Variants in EXOSC2 observed in about 807,000 individuals in gnomAD.
EXOSC2 encodes exosome complex component RRP4.
In EXOSC2, 29 loss-of-function variants were observed where a neutral mutation model predicts 37.6. The ratio of observed to expected loss-of-function variants is 0.77; its 90% CI spans 0.57 to 1.05. EXOSC2 has a LOEUF of 1.05. Ranked by LOEUF, EXOSC2 falls within the 50% of genes least tolerant of loss-of-function variation. The probability of loss-of-function intolerance (pLI) is 0.00; values close to 1 mark genes in which losing one functional copy is unlikely to be tolerated. For synonymous variants in EXOSC2, 119 were observed against 131.1 expected (o/e 0.91, Z 0.63); for missense variants, 346 against 365.6 (o/e 0.95, Z 0.44).
intron 5 of EXOSC2, among the ~76,000 whole-genome samples, chr9:130,700,332 T>A (rs1012305028): frequency 1.7e-5 from 2 of 116,490 alleles, no homozygotes; most frequent in South Asian, 2.5e-4. Flanking sequence ...GTCTTTATTT[T>A]ATTTATTTAT....
At chr9:130,700,619 A>G (rs991421028) in intron 5 of EXOSC2, among the ~76,000 whole-genome samples, 5 of 152,058 alleles carry the variant, frequency 3.3e-5, no homozygotes, top group Non-Finnish European at 7.4e-5. Context: ...TCAGCCTCCC[A>G]AAGTGCTGGG....
At chr9:130,703,025 C>A in intron 7 of EXOSC2, 28 bp from the exon 8 acceptor site, 1 of 1,596,336 alleles carries the variant, frequency 6.3e-7, no homozygotes, top group Non-Finnish European at 8.6e-7. Context: ...GTTTGTATTT[C>A]CCTTCCCCTC....
At chr9:130,699,262 AAAG>A (rs1831160513) in intron 4 of EXOSC2, 64 bp from the exon 5 acceptor site, 45 of 1,508,560 alleles carry the variant, frequency 3.0e-5, no homozygotes, top group Non-Finnish European at 4.2e-5. Context: ...AAAGGAAGTG[AAAG>A]AGAAGTGATG....
In EXOSC2 at chr9:130,697,475, C is replaced by T. The variant is rs142488951; in HGVS notation, c.225-107C>T. 7.4e-4 allele frequency: 784 copies of T among 1,062,814 alleles called. 3 individuals are homozygous for T. The East Asian group carries it at 0.017, about 23-fold the overall frequency. The allele number at this position is 1,062,814 out of a possible 1,614,324, so 65.8% of individuals were successfully genotyped here. A position where few individuals can be genotyped will look rare whatever the true frequency, so the allele number is the denominator to read the frequency against. On this transcript the variant is annotated intron_variant, in intron 2 of 8. Transcript: ENST00000372358. ...AGTTACATGAATTTGCTGAATGTGG[C>T]GCCTGTTCCAGGCTTTCACCCTGTT... is the stretch of plus-strand genomic sequence containing the variant.
chr9:130,695,406 C>A, intron 1 of EXOSC2, 86 bp from the exon 2 acceptor site: 1 of 1,185,120 alleles, frequency 8.4e-7, no homozygotes, highest in Non-Finnish European at 1.3e-6. Flanking sequence ...AGCCTGTTAG[C>A]TTTGAGGAAC....
At chr9:130,695,714 GT>G (rs1230308026) in intron 2 of EXOSC2, 121 bp downstream of exon 2, 12 of 812,340 alleles carry the variant, frequency 1.5e-5, no homozygotes, top group Non-Finnish European at 2.4e-5. Context: ...TAAGTCTGAG[GT>G]TTTGACCATG....
At position 130,700,208 on chromosome 9, in the gene EXOSC2, C is replaced by T. The variant is rs1359671346; in HGVS notation, c.427-659C>T. Among the ~76,000 whole-genome samples the T allele has an allele frequency of 9.2e-5, 14 of 151,842 alleles. 1 individual carries two copies. The highest frequency in any genetic ancestry group is 3.4e-4 in the African/African-American group (14 of 41,428). ...CTAATTTTTGTATTTTTAGTAGAGA[C>T]AGGTTTCACCATATTGGCCAGGCTG... On this transcript the variant is annotated intron_variant, in intron 5 of 8. Coordinates refer to ENST00000372358, the MANE Select transcript of EXOSC2 (RefSeq NM_014285.7).
chr9:130,700,192 G>A (rs1831182595), intron 5 of EXOSC2, among the ~76,000 whole-genome samples: 1 of 151,674 alleles, frequency 6.6e-6, no homozygotes, highest in South Asian at 2.1e-4. Context: ...GCTAATTTTT[G>A]TATTTTTAGT....
At chr9:130,693,963 T>G (rs1450912525) in intron 1 of EXOSC2, 50 bp downstream of exon 1, 5 of 1,551,302 alleles carry the variant, frequency 3.2e-6, no homozygotes, top group Non-Finnish European at 4.4e-6. Flanking sequence ...GCTTCAGGGC[T>G]CTCTGCACGT....
In EXOSC2 at chr9:130,698,304, C is replaced by G. The variant is rs138129140; in HGVS notation, c.360+53C>G. The G allele has an allele frequency of 6.5e-7, 1 of 1,529,764 alleles. No individual in the cohort carries two copies. Among genetic ancestry groups the G allele is most frequent in the East Asian group, 2.3e-5 (1 of 44,418 alleles). The allele number at this position is 1,529,764 out of a possible 1,614,324, so 94.8% of individuals were successfully genotyped here. The stretch of plus-strand genomic sequence containing the variant: ...TAGGGCCCAGTGGGCTGGGGGGAGC[C>G]GTGGGACCCTTTGTTCCACCAGAGG... On this transcript the variant is annotated intron_variant, in intron 4 of 8. Coordinates refer to ENST00000372358, the MANE Select transcript of EXOSC2 (RefSeq NM_014285.7). This position sits in a 1 kb window ranked among gnomAD's most constrained non-coding sequence, Gnocchi z 4.1.
At chr9:130,695,817 G>A (rs17147185) in intron 2 of EXOSC2, among the ~76,000 whole-genome samples, 7,124 of 149,790 alleles carry the variant, frequency 0.048, 212 homozygotes, top group Non-Finnish European at 0.071. Flanking sequence ...CCTCTGCAAA[G>A]TGAGTATAAT....
At position 130,703,318 on chromosome 9, in the gene EXOSC2, T is replaced by C. The variant is rs992883603; in HGVS notation, c.801+137T>C. On this transcript the variant is annotated intron_variant, in intron 8 of 8. Coordinates refer to ENST00000372358, the MANE Select transcript of EXOSC2 (RefSeq NM_014285.7). ...ACTGGCCTGAAACAGCCTTAATGAG[T>C]GTCTGGTAGATCTTTCCCTAAGAAA... 128 of 972,544 alleles carry C rather than the reference T, an allele frequency of 1.3e-4. No homozygotes were observed. In the Admixed American group the frequency reaches 1.3e-3, roughly 10 times the overall value. 60.2% of individuals were successfully genotyped at this position (972,544 alleles called of 1,614,324 possible).
chr9:130,701,311 C>A (rs932603536), intron 6 of EXOSC2: 130 of 192,836 alleles, frequency 6.7e-4, no homozygotes, highest in African/African-American at 2.9e-3. Context: ...TTAAACAGCC[C>A]TTAGACAAAC....
intron 5 of EXOSC2, among the ~76,000 whole-genome samples, chr9:130,700,323 T>A (rs1426502655): frequency 6.8e-6 from 1 of 147,506 alleles, no homozygotes; most frequent in East Asian, 2.0e-4. Context: ...CTGGCCTCTG[T>A]CTTTATTTTA....
In EXOSC2 at chr9:130,696,997, G is replaced by C. The variant is rs145448416; in HGVS notation, c.225-585G>C. On this transcript the variant is annotated intron_variant, in intron 2 of 8. Transcript: ENST00000372358. ...GTCATCTAGATGGCAGAGTTGGGTA[G>C]CTAGCAGTTGAGTAGGATTTGGAAT... Among the ~76,000 whole-genome samples, 318 of 152,304 alleles carry C rather than the reference G, an allele frequency of 2.1e-3. 1 individual carries two copies. The highest frequency in any genetic ancestry group is 7.1e-3 in the African/African-American group (295 of 41,554).
At position 130,698,732 on chromosome 9, in the gene EXOSC2, G is replaced by A. The variant is rs773684388; in HGVS notation, c.360+481G>A. ...GGTTCACCTTGATCTTCAGTCCAGC[G>A]TGTATTTACAGAGAGGCTTACTGTG... On this transcript the variant is annotated intron_variant, in intron 4 of 8. Transcript: ENST00000372358. The surrounding 1 kb of genome is among the most constrained non-coding windows in gnomAD (Gnocchi z 4.1). Among the ~76,000 whole-genome samples, 12 of 152,178 alleles carry A rather than the reference G, an allele frequency of 7.9e-5. No homozygotes were observed. The highest frequency in any genetic ancestry group is 1.9e-4 in the East Asian group (1 of 5,190).
Position 130,703,689 on chromosome 9 carries a change from T to G in EXOSC2, c.802-5T>G, listed in dbSNP as rs1831267432. 1 of 1,612,706 alleles carries G rather than the reference T, an allele frequency of 6.2e-7. No homozygotes were observed. Among genetic ancestry groups the G allele is most frequent in the Non-Finnish European group, 8.5e-7 (1 of 1,179,244 alleles). On this transcript the variant is annotated splice_polypyrimidine_tract_variant and splice_region_variant and intron_variant, in intron 8 of 8. Coordinates refer to ENST00000372358, the MANE Select transcript of EXOSC2 (RefSeq NM_014285.7). ...TTCTGAACAAATGCCTTTTCCCTTTTTCAGATCAAAGACATCTTAAAGCCA... is the reference window on the plus strand; with the variant it reads ...TTCTGAACAAATGCCTTTTCCCTTTGTCAGATCAAAGACATCTTAAAGCCA...
In EXOSC2 at chr9:130,698,113, T is replaced by C. The variant is rs371885393; in HGVS notation, c.271-49T>C. The C allele has an allele frequency of 6.5e-6, 10 of 1,545,578 alleles. No individual in the cohort carries two copies. Among genetic ancestry groups the C allele is most frequent in the Non-Finnish European group, 8.9e-6 (10 of 1,118,020 alleles). On this transcript the variant is annotated intron_variant, in intron 3 of 8. Transcript: ENST00000372358. The surrounding 1 kb of genome is among the most constrained non-coding windows in gnomAD (Gnocchi z 4.1). ...CTGGCCTTACTGGTTATTTATGATA[T>C]GACACATGAACATGGAGCATGTGTC...
At chr9:130,695,804 C>T (rs1831081366) in intron 2 of EXOSC2, among the ~76,000 whole-genome samples, 1 of 151,824 alleles carries the variant, frequency 6.6e-6, no homozygotes, top group Non-Finnish European at 1.5e-5. Flanking sequence ...GCCTTGGTTA[C>T]CTCCTCTGCA....
Sources: gnomAD v4.1 joint callset for allele counts (sites outside exome capture counted in the v4.1 genomes callset) on GRCh38, gnomAD v4.1.1 for gene constraint, Gnocchi (gnomAD v3.1) non-coding constraint, MANE v1.5 for transcripts, NCBI Gene and HGNC (gene_info 2026-07-23, HGNC 2026-07-21) for gene names.